The following TRIP4 variants were observed in gnomAD, a reference collection of about 807,000 sequenced individuals.
TRIP4 encodes the protein activating signal cointegrator 1.
A neutral mutation model predicts 81.8 loss-of-function variants in TRIP4; 54 were observed. The observed-to-expected ratio is 0.66, with a 90% CI of 0.53 to 0.83. The LOEUF is 0.83. Ranked by LOEUF, TRIP4 falls within the 40% of genes least tolerant of loss-of-function variation. The pLI, the probability that TRIP4 is intolerant of heterozygous loss-of-function variation, is 0.00. For synonymous variants in TRIP4, 270 were observed against 242.8 expected (o/e 1.11, Z -1.04); for missense variants, 662 against 683.6 (o/e 0.97, Z 0.35).
chr15:64,451,095 G>C (rs1892746830), intron 12 of TRIP4: 1 of 163,120 alleles, frequency 6.1e-6, no homozygotes, highest in Non-Finnish European at 1.3e-5. Flanking sequence ...TTCTTCAGGA[G>C]ACTTTGAATT....
At chr15:64,392,141 A>G (rs1310812552) in intron 1 of TRIP4, among the ~76,000 whole-genome samples, 1 of 143,116 alleles carries the variant, frequency 7.0e-6, no homozygotes, top group African/African-American at 2.6e-5. Flanking sequence ...AACAAAACAA[A>G]ACAAAAATTA....
intron 8 of TRIP4, among the ~76,000 whole-genome samples, chr15:64,417,066 G>A (rs1326215454): frequency 6.6e-6 from 1 of 152,132 alleles, no homozygotes; most frequent in African/African-American, 2.4e-5. Flanking sequence ...AGAGTGCAGT[G>A]GTATGATCAT....
intron 9 of TRIP4, among the ~76,000 whole-genome samples, chr15:64,422,333 A>G (rs975208489): frequency 6.6e-6 from 1 of 152,220 alleles, no homozygotes; most frequent in Non-Finnish European, 1.5e-5. Context: ...TTCAGGCTTC[A>G]GACGTTTCTC....
At chr15:64,396,054 G>A (rs950765293) in intron 3 of TRIP4, among the ~76,000 whole-genome samples, 7 of 150,212 alleles carry the variant, frequency 4.7e-5, no homozygotes, top group Non-Finnish European at 8.9e-5. Context: ...GACTGCATGC[G>A]CACACTGCCA....
At chr15:64,428,497 GTC>G (rs766025003) in intron 11 of TRIP4, among the ~76,000 whole-genome samples, 3 of 152,150 alleles carry the variant, frequency 2.0e-5, no homozygotes, top group Non-Finnish European at 4.4e-5. Context: ...CTTTATGAAT[GTC>G]TCTGATATAT....
At chr15:64,413,748 C>T (rs768509750) in intron 7 of TRIP4, among the ~76,000 whole-genome samples, 6 of 152,056 alleles carry the variant, frequency 3.9e-5, no homozygotes, top group Non-Finnish European at 8.8e-5. Flanking sequence ...CTACCATGCT[C>T]AGCTAATTTT....
intron 5 of TRIP4, among the ~76,000 whole-genome samples, chr15:64,404,385 A>G (rs911934310): frequency 3.3e-5 from 5 of 151,814 alleles, no homozygotes; most frequent in African/African-American, 1.2e-4. Flanking sequence ...CAGTGGCGTG[A>G]TCTTGGCTCA....
At chr15:64,422,234 T>C (rs1328259071) in intron 9 of TRIP4, among the ~76,000 whole-genome samples, 2 of 152,284 alleles carry the variant, frequency 1.3e-5, no homozygotes, top group African/African-American at 4.8e-5. Context: ...CAGGCAAAGG[T>C]AAAATGGATT....
chr15:64,393,959 A>G lies in TRIP4; in HGVS notation c.115A>G (p.Ile39Val), dbSNP rs147321478. Residue 39 changes from isoleucine to valine, a missense_variant, in exon 2 of 13, where the codon ATT becomes GTT. Ile to Val is a conservative substitution (Grantham distance 29). Coordinates refer to ENST00000261884, the MANE Select transcript of TRIP4 (RefSeq NM_016213.5). ...TTGCCTCCTGAGGTACGTTTTGTCA[A>G]TTGAGAGTGCTGAAGAGATACGAGA... is the stretch of plus-strand genomic sequence containing the variant. ...SEEIIQYVLS[I>V]ESAEEIREYV... The G allele has an allele frequency of 1.1e-5, 18 of 1,587,940 alleles. No homozygotes were observed. Among genetic ancestry groups the G allele is most frequent in the African/African-American group, 8.2e-5 (6 of 73,602 alleles).
intron 12 of TRIP4, 49 bp from the exon 13 acceptor site, chr15:64,454,948 C>T (rs750072983): frequency 2.6e-6 from 4 of 1,567,798 alleles, no homozygotes; most frequent in Non-Finnish European, 3.5e-6. Flanking sequence ...AAAAGATTTG[C>T]ATTGCAAATA....
At chr15:64,396,189 G>A (rs541480513) in intron 3 of TRIP4, among the ~76,000 whole-genome samples, 3 of 150,680 alleles carry the variant, frequency 2.0e-5, no homozygotes, top group East Asian at 2.0e-4. Context: ...GATTACAGGC[G>A]TGAGCCACCG....
intron 9 of TRIP4, among the ~76,000 whole-genome samples, chr15:64,422,092 A>T (rs1400664194): frequency 2.6e-5 from 4 of 152,040 alleles, no homozygotes; most frequent in African/African-American, 9.7e-5. Flanking sequence ...TATACTATCT[A>T]GGTTTGTGTA....
At chr15:64,388,186 G>C in intron 1 of TRIP4, 1 of 722,762 alleles carries the variant, frequency 1.4e-6, no homozygotes, top group Non-Finnish European at 2.0e-6. Context: ...TTCCTGGGAA[G>C]ACGCCCAATC....
At position 64,400,952 on chromosome 15, in the gene TRIP4, T is replaced by TG. The variant is rs988455335; in HGVS notation, c.697+131_697+132insG. 5.5e-6 allele frequency: 4 copies of TG among 725,140 alleles called. No individual in the cohort carries two copies. In the Admixed American group the frequency reaches 8.4e-5, roughly 15 times the overall value. 44.9% of individuals were successfully genotyped at this position (725,140 alleles called of 1,614,324 possible). ...CTCATTCTCAGTTTTTTTGGGGGGT[T>TG]TTTTTTGTTTTGTTTTGTTTTGTTT... is the stretch of plus-strand genomic sequence containing the variant. On this transcript the variant is annotated intron_variant, in intron 5 of 12. Transcript: ENST00000261884.
intron 11 of TRIP4, among the ~76,000 whole-genome samples, chr15:64,436,140 C>G (rs1168128658): frequency 9.2e-5 from 14 of 151,622 alleles, no homozygotes; most frequent in Admixed American, 8.5e-4. Flanking sequence ...ACTAAAAATA[C>G]AAAAATTAAC....
chr15:64,441,047 A>C (rs1339451454), intron 11 of TRIP4, among the ~76,000 whole-genome samples: 2 of 151,324 alleles, frequency 1.3e-5, no homozygotes, highest in Non-Finnish European at 2.9e-5. Context: ...GTCTGGATGG[A>C]GTGCAGTGGT....
intron 5 of TRIP4, among the ~76,000 whole-genome samples, chr15:64,402,393 G>A (rs1891530388): frequency 6.6e-6 from 1 of 151,648 alleles, no homozygotes; most frequent in African/African-American, 2.4e-5. Context: ...GACTAATTTT[G>A]TATTTTTAGT....
intron 12 of TRIP4, among the ~76,000 whole-genome samples, chr15:64,453,402 CT>C (rs1318315472): frequency 1.3e-5 from 2 of 152,082 alleles, no homozygotes; most frequent in East Asian, 3.9e-4. Context: ...TAGTGTCTAC[CT>C]TTGTTTAATT....
intron 11 of TRIP4, among the ~76,000 whole-genome samples, chr15:64,440,604 A>G (rs1892496138): frequency 6.6e-6 from 1 of 152,084 alleles, no homozygotes; most frequent in African/African-American, 2.4e-5. Context: ...TGTTTCTTGT[A>G]AGCCCCTTGA....
Sources: gnomAD v4.1 joint callset for allele counts (sites outside exome capture counted in the v4.1 genomes callset) on GRCh38, gnomAD v4.1.1 for gene constraint, MANE v1.5 for transcripts, NCBI Gene and HGNC (gene_info 2026-07-23, HGNC 2026-07-21) for gene names.